PTBP3: variants seen among roughly 807,000 people sequenced by gnomAD.
PTBP3 encodes the protein polypyrimidine tract binding protein 3.
Under a neutral mutation model 58.7 loss-of-function variants are expected in PTBP3, and 20 were observed. The ratio of observed to expected loss-of-function variants is 0.34; its 90% CI spans 0.24 to 0.50. PTBP3 has a LOEUF of 0.50. Ranked by LOEUF, PTBP3 falls within the 20% of genes least tolerant of loss-of-function variation. The pLI, the probability that PTBP3 is intolerant of heterozygous loss-of-function variation, is 0.98. For synonymous variants in PTBP3, 185 were observed against 219.8 expected, an observed-to-expected ratio of 0.84 and a Z score of 1.40; for missense variants, 509 against 637.2, an observed-to-expected ratio of 0.80 and a Z score of 2.17.
chr9:112,244,738 G>A (rs1353433961), intron 7 of PTBP3, among the ~76,000 whole-genome samples: 1 of 151,804 alleles, frequency 6.6e-6, no homozygotes, highest in Non-Finnish European at 1.5e-5. Context: ...TTCAAAGACT[G>A]GAAGATTCTA....
chr9:112,343,477 T>C, the PTBP3 span, among the ~76,000 whole-genome samples: 1 of 152,192 alleles, frequency 6.6e-6, no homozygotes, highest in Admixed American at 6.5e-5. Context: ...AAAAATTTTG[T>C]CAAGCAGTCA....
chr9:112,330,265 T>C (rs920924932), intron 1 of PTBP3, among the ~76,000 whole-genome samples: 6 of 152,232 alleles, frequency 3.9e-5, no homozygotes, highest in Non-Finnish European at 7.3e-5. Flanking sequence ...CATAATACTA[T>C]AGTTCCTCCT....
chr9:112,306,604 ATTTTTGTT>A (rs1287322757), intron 1 of PTBP3, among the ~76,000 whole-genome samples: 1 of 104,040 alleles, frequency 9.6e-6, no homozygotes, highest in African/African-American at 6.8e-5. Context: ...ATATATATAT[ATTTTTGTT>A]TGTTTGTTTG....
the PTBP3 span, among the ~76,000 whole-genome samples, chr9:112,346,250 C>A: frequency 1.3e-5 from 2 of 152,260 alleles, no homozygotes; most frequent in South Asian, 2.1e-4. Flanking sequence ...TTGCTGCAAC[C>A]TTTGTCTCCT....
chr9:112,260,999 G>A (rs1302087675), intron 5 of PTBP3, among the ~76,000 whole-genome samples: 1 of 152,206 alleles, frequency 6.6e-6, no homozygotes, highest in African/African-American at 2.4e-5. Flanking sequence ...GCTGGCTGAT[G>A]GCAGTGTTGG....
intron 1 of PTBP3, among the ~76,000 whole-genome samples, chr9:112,329,227 G>A (rs947089186): frequency 2.6e-5 from 4 of 151,924 alleles, no homozygotes; most frequent in African/African-American, 9.7e-5. Flanking sequence ...CCTGGGCAAC[G>A]TGTCGAAACC....
At position 112,220,362 on chromosome 9, in the gene PTBP3, T is replaced by C. The variant is rs775410985; in HGVS notation, c.*3489A>G. On this transcript the variant is annotated 3_prime_UTR_variant, in exon 14 of 14. Coordinates refer to ENST00000374257, the MANE Select transcript of PTBP3 (RefSeq NM_001163788.4). ...CAGGAGAATCACTTGAGCCCAGGAG[T>C]TGGCGAGACCCCTAAAAATAAAATA... is the stretch of plus-strand genomic sequence containing the variant. 20 of 1,261,878 alleles carry C rather than the reference T, an allele frequency of 1.6e-5. No individual in the cohort carries two copies. Among genetic ancestry groups the C allele is most frequent in the Non-Finnish European group, 2.1e-5 (20 of 974,992 alleles). The allele number at this position is 1,261,878 out of a possible 1,614,324, so 78.2% of individuals were successfully genotyped here.
At chr9:112,253,881 T>C (rs1836238438) in intron 5 of PTBP3, among the ~76,000 whole-genome samples, 1 of 152,194 alleles carries the variant, frequency 6.6e-6, no homozygotes, top group Non-Finnish European at 1.5e-5. Context: ...ACCTCTTTTG[T>C]TTATAAATTA....
chr9:112,289,957 A>C (rs919089365), intron 2 of PTBP3, among the ~76,000 whole-genome samples: 2 of 152,232 alleles, frequency 1.3e-5, no homozygotes, highest in African/African-American at 4.8e-5. Flanking sequence ...TTCAAAAGAA[A>C]AGACTTCTTA....
At chr9:112,256,400 T>C (rs1836365565) in intron 5 of PTBP3, among the ~76,000 whole-genome samples, 1 of 151,416 alleles carries the variant, frequency 6.6e-6, no homozygotes. Flanking sequence ...CTTGAAGGAA[T>C]ATACCTTGTC....
At chr9:112,329,503 T>C (rs1222305302) in intron 1 of PTBP3, among the ~76,000 whole-genome samples, 1 of 152,210 alleles carries the variant, frequency 6.6e-6, no homozygotes, top group African/African-American at 2.4e-5. Flanking sequence ...ATACTAATTA[T>C]CCAGCTCTCT....
chr9:112,251,954 A>T (rs1248333688), intron 6 of PTBP3, among the ~76,000 whole-genome samples: 2 of 152,200 alleles, frequency 1.3e-5, no homozygotes, highest in Non-Finnish European at 2.9e-5. Context: ...AAGTACCACA[A>T]GCCATAGTCC....
the PTBP3 span, among the ~76,000 whole-genome samples, chr9:112,340,513 T>C: frequency 6.6e-6 from 1 of 152,242 alleles, no homozygotes; most frequent in Admixed American, 6.5e-5. Flanking sequence ...AATAATTTTG[T>C]TTTCTCCTCT....
At chr9:112,374,307 C>T in the PTBP3 span, among the ~76,000 whole-genome samples, 1 of 152,166 alleles carries the variant, frequency 6.6e-6, no homozygotes, top group African/African-American at 2.4e-5. Flanking sequence ...GGCAGCATTC[C>T]TCCCTCTGGA....
chr9:112,367,954 T>A, the PTBP3 span, among the ~76,000 whole-genome samples: 6 of 152,200 alleles, frequency 3.9e-5, no homozygotes, highest in East Asian at 1.2e-3. Flanking sequence ...TGATATCCCA[T>A]GATTCCTGTA....
intron 1 of PTBP3, among the ~76,000 whole-genome samples, chr9:112,307,443 C>A (rs1388315298): frequency 6.6e-6 from 1 of 151,972 alleles, no homozygotes; most frequent in Non-Finnish European, 1.5e-5. Flanking sequence ...CAAAGGGAGA[C>A]CCTGTCCCAA....
chr9:112,255,083 T>C (rs139198596), intron 5 of PTBP3, among the ~76,000 whole-genome samples: 112 of 152,310 alleles, frequency 7.4e-4, no homozygotes, highest in Middle Eastern at 6.8e-3. Flanking sequence ...CAAGACATCA[T>C]GCCAGGTGAA....
intron 1 of PTBP3, chr9:112,298,448 C>T (rs1465594858): frequency 1.3e-5 from 5 of 378,948 alleles, no homozygotes; most frequent in African/African-American, 4.3e-5. Context: ...CTCTTTTTTT[C>T]AGGTAAGAGT....
intron 1 of PTBP3, among the ~76,000 whole-genome samples, chr9:112,317,092 T>TA (rs944956874): frequency 6.6e-6 from 1 of 150,634 alleles, no homozygotes; most frequent in Non-Finnish European, 1.5e-5. Context: ...CCAGCCTGGG[T>TA]AACATGACAA....
Sources: gnomAD v4.1 joint callset for allele counts (sites outside exome capture counted in the v4.1 genomes callset) on GRCh38, gnomAD v4.1.1 for gene constraint, MANE v1.5 for transcripts, NCBI Gene and HGNC (gene_info 2026-07-23, HGNC 2026-07-21) for gene names.